UNC5C: variants seen among roughly 807,000 people sequenced by gnomAD.
UNC5C encodes unc-5 netrin receptor C, also known as netrin receptor UNC5C.
Under a neutral mutation model 99.8 loss-of-function variants are expected in UNC5C, and 47 were observed. The ratio of observed to expected loss-of-function variants is 0.47; its 90% CI spans 0.37 to 0.60. UNC5C has a LOEUF of 0.60. UNC5C is among the 20% of genes least tolerant of loss of function. UNC5C has a pLI of 0.00. For missense variants in UNC5C, 1,062 were observed against 1,165.9 expected, an observed-to-expected ratio of 0.91 and a Z score of 1.30; for synonymous variants, 487 against 452.2, an observed-to-expected ratio of 1.08 and a Z score of -0.98.
At chr4:95,266,551 A>G (rs967419750) in intron 4 of UNC5C, among the ~76,000 whole-genome samples, 16 of 152,214 alleles carry the variant, frequency 1.1e-4, no homozygotes, top group African/African-American at 3.6e-4. Flanking sequence ...AACTTTTTAT[A>G]GCTCCTAGAC....
chr4:95,498,834 T>C (rs1355398332), intron 1 of UNC5C, among the ~76,000 whole-genome samples: 2 of 152,036 alleles, frequency 1.3e-5, no homozygotes, highest in Non-Finnish European at 2.9e-5. Context: ...CTAAGTTTGG[T>C]CAAGACACAT....
chr4:95,257,455 G>GA (rs1014965259), intron 4 of UNC5C, among the ~76,000 whole-genome samples: 7 of 148,200 alleles, frequency 4.7e-5, no homozygotes, highest in South Asian at 4.3e-4. Context: ...GAGACAGGGA[G>GA]AAAAAAAAAA....
chr4:95,334,366 T>G (rs976906191), intron 2 of UNC5C, among the ~76,000 whole-genome samples: 3 of 152,008 alleles, frequency 2.0e-5, no homozygotes, highest in Non-Finnish European at 4.4e-5. Flanking sequence ...CAGAGAGATA[T>G]CTAGTAAGGG....
intron 12 of UNC5C, among the ~76,000 whole-genome samples, chr4:95,188,079 A>G (rs1421916866): frequency 6.6e-6 from 1 of 152,232 alleles, no homozygotes; most frequent in Non-Finnish European, 1.5e-5. Flanking sequence ...AAGATCCTGT[A>G]TTAATCTGTC....
At chr4:95,468,808 G>A (rs1202611688) in intron 1 of UNC5C, among the ~76,000 whole-genome samples, 1 of 152,096 alleles carries the variant, frequency 6.6e-6, no homozygotes, top group Admixed American at 6.6e-5. Context: ...CACCTTCGGT[G>A]TTGAACTTAT....
At chr4:95,421,140 A>G (rs1370276057) in intron 1 of UNC5C, among the ~76,000 whole-genome samples, 1 of 152,190 alleles carries the variant, frequency 6.6e-6, no homozygotes, top group Non-Finnish European at 1.5e-5. Flanking sequence ...ATTTCTATCC[A>G]AACAAATTAT....
intron 1 of UNC5C, among the ~76,000 whole-genome samples, chr4:95,527,244 T>C (rs1022427480): frequency 3.9e-5 from 6 of 152,122 alleles, no homozygotes; most frequent in Non-Finnish European, 8.8e-5. Flanking sequence ...TCACACACGT[T>C]AATAGTATTT....
chr4:95,412,628 C>T (rs938562094), intron 1 of UNC5C, among the ~76,000 whole-genome samples: 7 of 152,094 alleles, frequency 4.6e-5, no homozygotes, highest in African/African-American at 1.7e-4. Context: ...CAATTGTCTC[C>T]CCCACAAAAA....
intron 3 of UNC5C, among the ~76,000 whole-genome samples, chr4:95,283,905 C>A (rs569825083): frequency 3.3e-5 from 5 of 152,290 alleles, no homozygotes; most frequent in Admixed American, 2.6e-4. Context: ...TAAAAGCTAT[C>A]GTCATATGTA....
At chr4:95,302,863 G>A (rs1335556123) in intron 2 of UNC5C, among the ~76,000 whole-genome samples, 1 of 152,156 alleles carries the variant, frequency 6.6e-6, no homozygotes, top group African/African-American at 2.4e-5. Flanking sequence ...TTATGTTATT[G>A]TGAAGAGGTA....
intron 8 of UNC5C, 122 bp from the exon 9 acceptor site, chr4:95,219,435 G>T: frequency 1.1e-6 from 1 of 893,256 alleles, no homozygotes; most frequent in Non-Finnish European, 1.7e-6. Context: ...ATCGGAGATA[G>T]ATAGACAGGC....
At chr4:95,206,424 G>A (rs866603892) in intron 11 of UNC5C, among the ~76,000 whole-genome samples, 11 of 152,056 alleles carry the variant, frequency 7.2e-5, no homozygotes, top group African/African-American at 2.7e-4. Context: ...GTTATCTAAT[G>A]AGTGACCATC....
chr4:95,348,008 C>T (rs1743841793), intron 1 of UNC5C, among the ~76,000 whole-genome samples: 1 of 152,010 alleles, frequency 6.6e-6, no homozygotes, highest in Non-Finnish European at 1.5e-5. Context: ...GCACACTACC[C>T]ATCTGACAAG....
intron 7 of UNC5C, among the ~76,000 whole-genome samples, chr4:95,223,000 T>TA (rs1301690532): frequency 6.6e-6 from 1 of 152,122 alleles, no homozygotes; most frequent in African/African-American, 2.4e-5. Context: ...TTGGGAAAAA[T>TA]AAAAACTTTC....
chr4:95,437,959 T>G (rs1434071174), intron 1 of UNC5C, among the ~76,000 whole-genome samples: 1 of 152,082 alleles, frequency 6.6e-6, no homozygotes, highest in Non-Finnish European at 1.5e-5. Context: ...CAGGTAAACT[T>G]TGCACATTCA....
In UNC5C at chr4:95,183,049, A is replaced by G. The variant is rs1357693858; in HGVS notation, c.2299T>C (p.Tyr767His). Reference sequence around the variant, plus strand: ...CTTTGAGATCCACTCCAAACATGGTAAAATGGAATTTCCTAAAGGATATGA... The same window carrying G: ...CTTTGAGATCCACTCCAAACATGGTGAAATGGAATTTCCTAAAGGATATGA... ...LLAKYQEIPF[Y>H]HVWSGSQRNL... The change falls in exon 14 of 16, where the codon TAC (tyrosine) becomes CAC (histidine). Residue 767 changes from tyrosine (Y) to histidine (H), a missense_variant. Around this residue, in one of 3 missense-constraint regions of UNC5C, gnomAD observed 810 missense variants for 854.5 expected, o/e 0.95. Transcript: ENST00000453304. The G allele has an allele frequency of 1.2e-6, 2 of 1,606,024 alleles. No homozygotes were observed. The highest frequency in any genetic ancestry group is 1.3e-5 in the African/African-American group (1 of 74,796).
intron 11 of UNC5C, among the ~76,000 whole-genome samples, chr4:95,203,365 T>G (rs528047807): frequency 6.6e-6 from 1 of 152,320 alleles, no homozygotes; most frequent in African/African-American, 2.4e-5. Context: ...GGCCGTCAGA[T>G]TCTAAGAAAA....
intron 1 of UNC5C, among the ~76,000 whole-genome samples, chr4:95,346,687 T>C (rs1009073831): frequency 6.6e-6 from 1 of 151,692 alleles, no homozygotes. Flanking sequence ...CATATGACGA[T>C]GAAAACCCAT....
intron 1 of UNC5C, among the ~76,000 whole-genome samples, chr4:95,352,825 A>G (rs1744037988): frequency 6.6e-6 from 1 of 152,140 alleles, no homozygotes; most frequent in Admixed American, 6.6e-5. Flanking sequence ...TTGAATTGTT[A>G]CAAGAGCCTC....
Sources: allele counts gnomAD v4.1 joint callset (sites outside exome capture counted in the v4.1 genomes callset), GRCh38; gene constraint gnomAD v4.1.1; regional missense constraint gnomAD v4.1.1; transcripts MANE v1.5; gene names NCBI Gene and HGNC (gene_info 2026-07-23, HGNC 2026-07-21).